The following SGCZ variants were observed in gnomAD, a reference collection of about 807,000 sequenced individuals.
SGCZ encodes sarcoglycan zeta, also known as zeta-sarcoglycan.
In SGCZ, 40 loss-of-function variants were observed where a neutral mutation model predicts 41.3. The ratio of observed to expected loss-of-function variants is 0.97; its 90% CI spans 0.75 to 1.26. The LOEUF is 1.26. SGCZ is among the 50% of genes most tolerant of loss of function. SGCZ has a pLI of 0.00. For missense variants in SGCZ, 552 were observed against 369.8 expected (o/e 1.49, Z -4.04); for synonymous variants, 206 against 137.5 (o/e 1.50, Z -3.49).
intron 1 of SGCZ, among the ~76,000 whole-genome samples, chr8:15,187,700 A>T (rs1800390187): frequency 6.6e-6 from 1 of 152,058 alleles, no homozygotes; most frequent in South Asian, 2.1e-4. Context: ...AACTTAAAAA[A>T]TTATTTCTAT....
At chr8:14,365,871 T>G (rs1407608834) in intron 2 of SGCZ, among the ~76,000 whole-genome samples, 2 of 152,266 alleles carry the variant, frequency 1.3e-5, no homozygotes, top group East Asian at 1.9e-4. Flanking sequence ...TTTCCTTGTT[T>G]TGATACCTGA....
At chr8:15,089,561 G>A (rs987956928) in intron 1 of SGCZ, among the ~76,000 whole-genome samples, 2 of 152,082 alleles carry the variant, frequency 1.3e-5, no homozygotes, top group Non-Finnish European at 2.9e-5. Flanking sequence ...CGAGTTTATA[G>A]TAAAGATTGG....
chr8:14,328,610 T>A (rs1802205194), intron 2 of SGCZ, among the ~76,000 whole-genome samples: 1 of 152,200 alleles, frequency 6.6e-6, no homozygotes. Context: ...AGTTTTTGTC[T>A]TATAAAAACT....
At chr8:14,983,836 C>T (rs1585437141) in intron 1 of SGCZ, among the ~76,000 whole-genome samples, 1 of 152,180 alleles carries the variant, frequency 6.6e-6, no homozygotes, top group South Asian at 2.1e-4. Context: ...ATAATAAAGC[C>T]CAACTGCATT....
intron 2 of SGCZ, among the ~76,000 whole-genome samples, chr8:14,384,016 C>T (rs1804472325): frequency 6.6e-6 from 1 of 151,148 alleles, no homozygotes; most frequent in African/African-American, 2.4e-5. Context: ...ATGTGCACAA[C>T]ATGTAGGTTA....
At chr8:14,812,300 T>C (rs986170623) in intron 1 of SGCZ, among the ~76,000 whole-genome samples, 1 of 152,092 alleles carries the variant, frequency 6.6e-6, no homozygotes, top group African/African-American at 2.4e-5. Flanking sequence ...CAGAATATTG[T>C]CTCTGCCCTG....
At chr8:14,360,615 C>T (rs549000022) in intron 2 of SGCZ, among the ~76,000 whole-genome samples, 1 of 150,864 alleles carries the variant, frequency 6.6e-6, no homozygotes, top group Non-Finnish European at 1.5e-5. Flanking sequence ...TGTGAGTCAC[C>T]GCGCCTGGCT....
At chr8:14,563,295 T>A (rs1393132763) in intron 1 of SGCZ, among the ~76,000 whole-genome samples, 1 of 152,164 alleles carries the variant, frequency 6.6e-6, no homozygotes, top group African/African-American at 2.4e-5. Context: ...TTATTTTTAT[T>A]TTCTAAAATG....
chr8:14,178,881 A>C (rs568127844), intron 4 of SGCZ, among the ~76,000 whole-genome samples: 17 of 152,230 alleles, frequency 1.1e-4, no homozygotes, highest in Non-Finnish European at 2.1e-4. Flanking sequence ...TTAAATGTCT[A>C]GGTCATTTCC....
At chr8:14,430,846 G>C (rs1036777717) in intron 2 of SGCZ, among the ~76,000 whole-genome samples, 6 of 152,136 alleles carry the variant, frequency 3.9e-5, no homozygotes, top group Admixed American at 2.0e-4. Context: ...ATTCAGCAAA[G>C]TTTCCGGATA....
chr8:14,272,161 G>A (rs1800088225), intron 3 of SGCZ, among the ~76,000 whole-genome samples: 1 of 152,056 alleles, frequency 6.6e-6, no homozygotes, highest in African/African-American at 2.4e-5. Flanking sequence ...CTGCCACCAT[G>A]CCCAGCTAAT....
intron 1 of SGCZ, among the ~76,000 whole-genome samples, chr8:15,108,662 G>C (rs1175916599): frequency 6.6e-6 from 1 of 152,100 alleles, no homozygotes; most frequent in African/African-American, 2.4e-5. Flanking sequence ...TGGTGTGTGT[G>C]ACCCATCTCT....
At chr8:14,169,308 C>T (rs566451036) in intron 4 of SGCZ, among the ~76,000 whole-genome samples, 2 of 152,294 alleles carry the variant, frequency 1.3e-5, no homozygotes, top group African/African-American at 4.8e-5. Context: ...CCCCATCCTC[C>T]TAAGACCCTT....
intron 1 of SGCZ, among the ~76,000 whole-genome samples, chr8:14,789,692 CT>C (rs1469304797): frequency 6.6e-6 from 1 of 152,134 alleles, no homozygotes; most frequent in Non-Finnish European, 1.5e-5. Flanking sequence ...AACAATCCTA[CT>C]GTCTTTCATT....
At chr8:14,976,017 CA>C (rs1290756861) in intron 1 of SGCZ, among the ~76,000 whole-genome samples, 2 of 111,740 alleles carry the variant, frequency 1.8e-5, no homozygotes, top group African/African-American at 6.0e-5. Flanking sequence ...TATATATATA[CA>C]CATATATATT....
At chr8:14,976,212 A>G (rs1801474256) in intron 1 of SGCZ, among the ~76,000 whole-genome samples, 1 of 151,730 alleles carries the variant, frequency 6.6e-6, no homozygotes, top group South Asian at 2.1e-4. Context: ...TAGTAGACAC[A>G]TGGTTTCACC....
chr8:14,589,649 A>T (rs1254962338), intron 1 of SGCZ, among the ~76,000 whole-genome samples: 2 of 152,206 alleles, frequency 1.3e-5, no homozygotes, highest in Non-Finnish European at 2.9e-5. Flanking sequence ...TACGCATAAT[A>T]TTCATAGTTG....
rs1801602565 is a variant in SGCZ at position 14,088,799 on chromosome 8, T to A, written c.*1644A>T. Reference sequence around the variant, plus strand: ...TGGTCAAATATTTCACTTTTCTTCTTGCATTGCCAATATTTCTACTTTCAC... The same window carrying A: ...TGGTCAAATATTTCACTTTTCTTCTAGCATTGCCAATATTTCTACTTTCAC... On this transcript the variant is annotated 3_prime_UTR_variant, in exon 8 of 8. Transcript: ENST00000382080. 6.6e-6 allele frequency among the ~76,000 whole-genome samples: 1 copy of A among 151,880 alleles called. No individual in the cohort carries two copies. Among genetic ancestry groups the A allele is most frequent in the South Asian group, 2.1e-4 (1 of 4,822 alleles).
At chr8:14,423,864 A>G (rs2117313781) in intron 2 of SGCZ, among the ~76,000 whole-genome samples, 1 of 150,764 alleles carries the variant, frequency 6.6e-6, no homozygotes, top group South Asian at 2.1e-4. Context: ...CTCTGCCACC[A>G]TTTTTTCCTT....
Sources: allele counts gnomAD v4.1 joint callset (sites outside exome capture counted in the v4.1 genomes callset), GRCh38; gene constraint gnomAD v4.1.1; transcripts MANE v1.5; gene names NCBI Gene and HGNC (gene_info 2026-07-23, HGNC 2026-07-21).